TRAF3IP1: variants seen among roughly 807,000 people sequenced by gnomAD.
The protein encoded by TRAF3IP1 is TRAF3-interacting protein 1.
Under a neutral mutation model 89.9 loss-of-function variants are expected in TRAF3IP1, and 53 were observed. The ratio of observed to expected loss-of-function variants is 0.59; its 90% confidence interval spans 0.47 to 0.74. TRAF3IP1 has a LOEUF of 0.74. TRAF3IP1 is among the 30% of genes least tolerant of loss of function. The pLI, the probability that TRAF3IP1 is intolerant of heterozygous loss-of-function variation, is 0.00. For missense variants in TRAF3IP1, 806 were observed against 866.1 expected (o/e 0.93, Z 0.87); for synonymous variants, 311 against 322.1 (o/e 0.97, Z 0.37).
intron 1 of TRAF3IP1, among the ~76,000 whole-genome samples, chr2:238,322,156 A>C (rs1697582317): frequency 6.6e-6 from 1 of 152,246 alleles, no homozygotes; most frequent in South Asian, 2.1e-4. Flanking sequence ...CCCGTGAAGT[A>C]GGCGGGTACC....
At chr2:238,333,291 A>C (rs1698217264) in intron 6 of TRAF3IP1, among the ~76,000 whole-genome samples, 1 of 152,150 alleles carries the variant, frequency 6.6e-6, no homozygotes, top group Non-Finnish European at 1.5e-5. Flanking sequence ...TGGCCTGTTC[A>C]GGACTCCGCG....
At chr2:238,385,360 A>G (rs1401697232) in intron 15 of TRAF3IP1, among the ~76,000 whole-genome samples, 1 of 152,244 alleles carries the variant, frequency 6.6e-6, no homozygotes, top group Non-Finnish European at 1.5e-5. Context: ...CATTTAACCA[A>G]GAAATTATTC....
chr2:238,336,445 C>G (rs1387515420), intron 7 of TRAF3IP1, among the ~76,000 whole-genome samples: 1 of 152,080 alleles, frequency 6.6e-6, no homozygotes, highest in Non-Finnish European at 1.5e-5. Context: ...GCTCAGTACC[C>G]AGAGGTGTGT....
intron 3 of TRAF3IP1, among the ~76,000 whole-genome samples, chr2:238,326,568 T>TC (rs1697844714): frequency 6.6e-6 from 1 of 152,146 alleles, no homozygotes; most frequent in Non-Finnish European, 1.5e-5. Context: ...GCCTCAGGCT[T>TC]CTCTAGTTAG....
At position 238,328,657 on chromosome 2, in the gene TRAF3IP1, AC is replaced by A. The variant is rs754442706; in HGVS notation, c.355-27del. 2.0e-5 allele frequency: 32 copies of A among 1,603,346 alleles called. No homozygotes were observed. The African/African-American group carries it at 4.3e-4, about 22-fold the overall frequency. Reference sequence around the variant, plus strand: ...GTGTGCGGATCTCATTTCACCTAACACCTCATTTCCTTCCATTTGGACGACA... The same window carrying A: ...GTGTGCGGATCTCATTTCACCTAACACTCATTTCCTTCCATTTGGACGACA... On this transcript the variant is annotated intron_variant, in intron 3 of 16. Transcript: ENST00000373327.
chr2:238,398,382 A>T (rs1244661749), intron 16 of TRAF3IP1, among the ~76,000 whole-genome samples: 1 of 63,350 alleles, frequency 1.6e-5, no homozygotes, highest in Admixed American at 2.0e-4. Context: ...GAGCAGAGGT[A>T]GGGGTGTAGC....
chr2:238,393,116 A>G (rs916145165), intron 15 of TRAF3IP1, among the ~76,000 whole-genome samples: 6 of 152,178 alleles, frequency 3.9e-5, no homozygotes, highest in African/African-American at 9.7e-5. Context: ...TTTATAGGAA[A>G]CTGCCAAACT....
At chr2:238,365,158 A>G (rs1301267391) in intron 15 of TRAF3IP1, among the ~76,000 whole-genome samples, 1 of 152,208 alleles carries the variant, frequency 6.6e-6, no homozygotes, top group Non-Finnish European at 1.5e-5. Context: ...GGTGATAGGA[A>G]TAGATCCTCA....
At chr2:238,381,355 A>T (rs1296720847) in intron 15 of TRAF3IP1, among the ~76,000 whole-genome samples, 3 of 152,178 alleles carry the variant, frequency 2.0e-5, no homozygotes, top group African/African-American at 7.2e-5. Context: ...GAGGGCCTGT[A>T]GGGCCCACTG....
chr2:238,343,990 C>T (rs1698778549), intron 8 of TRAF3IP1, among the ~76,000 whole-genome samples: 1 of 151,766 alleles, frequency 6.6e-6, no homozygotes, highest in South Asian at 2.1e-4. Context: ...AATATTTTCT[C>T]AGGTATTTGA....
intron 15 of TRAF3IP1, among the ~76,000 whole-genome samples, chr2:238,364,934 A>G (rs931922369): frequency 3.3e-5 from 5 of 152,258 alleles, no homozygotes; most frequent in African/African-American, 1.2e-4. Context: ...AAGCAAGCAA[A>G]TATTGCTAGA....
chr2:238,367,260 C>T (rs948501182), intron 15 of TRAF3IP1, among the ~76,000 whole-genome samples: 9 of 150,150 alleles, frequency 6.0e-5, no homozygotes, highest in Non-Finnish European at 1.5e-5. Flanking sequence ...TGCCCCAGCT[C>T]AGTGGAGAGA....
intron 8 of TRAF3IP1, among the ~76,000 whole-genome samples, chr2:238,339,745 G>A (rs1362072424): frequency 2.0e-5 from 3 of 152,256 alleles, no homozygotes; most frequent in African/African-American, 2.4e-5. Flanking sequence ...CAGGCACGCC[G>A]CGGTCTAACC....
At position 238,351,834 on chromosome 2, in the gene TRAF3IP1, G is replaced by GGT. The variant is rs10527993; in HGVS notation, c.1452-961_1452-960dup. ...TGGCACTGAAGCAAGGGAGGATTTTGGTGTGTGTGTGTGTGTGTGTGTGTG... is the reference window on the plus strand; with the variant it reads ...TGGCACTGAAGCAAGGGAGGATTTTGGTGTGTGTGTGTGTGTGTGTGTGTGTG... On this transcript the variant is annotated intron_variant, in intron 12 of 16. Transcript: ENST00000373327. This position sits in a 1 kb window ranked among gnomAD's most constrained non-coding sequence, Gnocchi z 5.2. Among the ~76,000 whole-genome samples the GGT allele has an allele frequency of 0.027, 3,792 of 140,904 alleles. 96 individuals carry two copies. Among genetic ancestry groups the GGT allele is most frequent in the East Asian group, 0.11 (539 of 4,736 alleles). The allele number at this position is 140,904 out of a possible 152,430, so 92.4% of individuals were successfully genotyped here.
chr2:238,339,082 G>T (rs1325704022), intron 8 of TRAF3IP1, among the ~76,000 whole-genome samples: 1 of 152,142 alleles, frequency 6.6e-6, no homozygotes, highest in Non-Finnish European at 1.5e-5. Flanking sequence ...GGAAATTTTT[G>T]CTGGGCCCAA....
chr2:238,340,248 A>G (rs1698577135), intron 8 of TRAF3IP1, among the ~76,000 whole-genome samples: 1 of 152,190 alleles, frequency 6.6e-6, no homozygotes, highest in Admixed American at 6.5e-5. Flanking sequence ...TTTGGAATTC[A>G]GAGTTTGCTG....
At chr2:238,350,531 G>A (rs1699103458) in intron 12 of TRAF3IP1, among the ~76,000 whole-genome samples, 1 of 152,186 alleles carries the variant, frequency 6.6e-6, no homozygotes, top group Non-Finnish European at 1.5e-5. Context: ...GAAGAGACTG[G>A]AGCAGAGGTT....
In TRAF3IP1 at chr2:238,400,515, C is replaced by T. The variant is rs1701418594; in HGVS notation, c.*1596C>T. ...TTTCTGAGCTGAATAAGTTCAGGAG[C>T]AGATTATTAAGATCTGCCATTCTGA... On this transcript the variant is annotated 3_prime_UTR_variant, in exon 17 of 17. Transcript: ENST00000373327. The T allele has an allele frequency of 6.6e-6, 1 of 152,232 alleles. No homozygotes were observed. Among genetic ancestry groups the T allele is most frequent in the East Asian group, 1.9e-4 (1 of 5,208 alleles). The allele number at this position is 152,232 out of a possible 1,614,324, so 9.4% of individuals were successfully genotyped here.
At chr2:238,335,617 G>A (rs1195068993) in intron 7 of TRAF3IP1, among the ~76,000 whole-genome samples, 1 of 152,110 alleles carries the variant, frequency 6.6e-6, no homozygotes, top group Non-Finnish European at 1.5e-5. Flanking sequence ...AACTGGACTT[G>A]TGTTAAATAT....
Sources: allele counts gnomAD v4.1 joint callset (sites outside exome capture counted in the v4.1 genomes callset), GRCh38; gene constraint gnomAD v4.1.1; non-coding constraint Gnocchi (gnomAD v3.1); transcripts MANE v1.5; gene names NCBI Gene and HGNC (gene_info 2026-07-23, HGNC 2026-07-21).